PIAS1: variants seen among roughly 807,000 people sequenced by gnomAD.
PIAS1 encodes the protein protein inhibitor of activated STAT 1.
Under a neutral mutation model 71.3 loss-of-function variants are expected in PIAS1, and 6 were observed. The ratio of observed to expected loss-of-function variants is 0.08; its 90% CI spans 0.05 to 0.17. The LOEUF is 0.17. PIAS1 is among the 10% of genes least tolerant of loss of function. The probability of loss-of-function intolerance (pLI) is 1.00; values close to 1 mark genes in which losing one functional copy is unlikely to be tolerated. For synonymous variants in PIAS1, 303 were observed against 292.9 expected, an observed-to-expected ratio of 1.03 and a Z score of -0.35; for missense variants, 555 against 793.6, an observed-to-expected ratio of 0.70 and a Z score of 3.61.
intron 2 of PIAS1, among the ~76,000 whole-genome samples, chr15:68,119,896 TC>T (rs2092599193): frequency 6.6e-6 from 1 of 152,262 alleles, no homozygotes; most frequent in Non-Finnish European, 1.5e-5. Context: ...ATACAGTGAC[TC>T]TCTCTATCCC....
chr15:68,074,797 G>T, intron 1 of PIAS1, among the ~76,000 whole-genome samples: 4 of 148,440 alleles, frequency 2.7e-5, no homozygotes, highest in Middle Eastern at 3.6e-3. Context: ...TTCTCTTTTT[G>T]TGCTTTTAAA....
At chr15:68,129,076 T>A (rs570686363) in intron 2 of PIAS1, among the ~76,000 whole-genome samples, 55 of 152,244 alleles carry the variant, frequency 3.6e-4, no homozygotes, top group Non-Finnish European at 7.1e-4. Flanking sequence ...GTATTACTAT[T>A]TTTTAGAGAC....
intron 2 of PIAS1, among the ~76,000 whole-genome samples, chr15:68,093,297 C>G (rs1169949968): frequency 6.6e-6 from 1 of 152,206 alleles, no homozygotes; most frequent in Non-Finnish European, 1.5e-5. Context: ...TTTGTAATTA[C>G]AATTACAAGT....
At chr15:68,184,809 A>G (rs963632612) in intron 13 of PIAS1, 1 of 153,404 alleles carries the variant, frequency 6.5e-6, no homozygotes, top group Admixed American at 6.5e-5. Context: ...TAAGGACAAG[A>G]TAACAGTCTT....
chr15:68,082,058 A>G (rs2092234422), intron 1 of PIAS1, among the ~76,000 whole-genome samples: 1 of 152,210 alleles, frequency 6.6e-6, no homozygotes. Flanking sequence ...GGAAGCCAGA[A>G]AACAATAAGG....
chr15:68,159,583 G>T (rs572467233), intron 7 of PIAS1, among the ~76,000 whole-genome samples: 3 of 152,048 alleles, frequency 2.0e-5, no homozygotes, highest in African/African-American at 7.2e-5. Flanking sequence ...AGCCTTTTGC[G>T]TCTGGCTTCT....
chr15:68,159,814 CAT>C (rs1470266271), intron 7 of PIAS1, among the ~76,000 whole-genome samples: 3 of 151,998 alleles, frequency 2.0e-5, no homozygotes, highest in Admixed American at 6.6e-5. Context: ...GTTTTGTAGA[CAT>C]ATGTTTTCAT....
intron 6 of PIAS1, among the ~76,000 whole-genome samples, chr15:68,150,322 G>A (rs1043396466): frequency 3.9e-5 from 6 of 151,916 alleles, no homozygotes; most frequent in Non-Finnish European, 5.9e-5. Context: ...ACTAGAGGAG[G>A]GGGGAAATAC....
intron 1 of PIAS1, among the ~76,000 whole-genome samples, chr15:68,066,450 A>G (rs993229421): frequency 3.9e-5 from 6 of 152,226 alleles, no homozygotes; most frequent in African/African-American, 1.4e-4. Context: ...TCATATGAAT[A>G]AATGAAAAAT....
chr15:68,126,198 T>A (rs1302885294), intron 2 of PIAS1, among the ~76,000 whole-genome samples: 1 of 152,186 alleles, frequency 6.6e-6, no homozygotes, highest in African/African-American at 2.4e-5. Flanking sequence ...AATTATTTCT[T>A]ATTTCCTTCC....
intron 1 of PIAS1, among the ~76,000 whole-genome samples, chr15:68,060,401 TCAGGAGTTCGAGAC>T (rs1013068915): frequency 6.6e-6 from 1 of 151,856 alleles, no homozygotes; most frequent in African/African-American, 2.4e-5. Context: ...GATCACGAGG[TCAGGAGTTCGAGAC>T]CAGCCTGACC....
chr15:68,114,213 A>T (rs1421530271), intron 2 of PIAS1, among the ~76,000 whole-genome samples: 3 of 152,106 alleles, frequency 2.0e-5, no homozygotes, highest in Non-Finnish European at 4.4e-5. Context: ...AACGCATAAT[A>T]TGTAAATTTG....
At chr15:68,143,658 G>A (rs1312469362) in intron 4 of PIAS1, among the ~76,000 whole-genome samples, 1 of 152,050 alleles carries the variant, frequency 6.6e-6, no homozygotes, top group Non-Finnish European at 1.5e-5. Flanking sequence ...ATTATGTATT[G>A]CTGTAGTCTT....
intron 2 of PIAS1, among the ~76,000 whole-genome samples, chr15:68,101,467 T>C (rs1347828576): frequency 6.6e-6 from 1 of 152,076 alleles, no homozygotes; most frequent in Admixed American, 6.6e-5. Context: ...TGTTTCCTTG[T>C]TTGTTTTTGA....
intron 1 of PIAS1, among the ~76,000 whole-genome samples, chr15:68,061,160 T>C (rs1412263240): frequency 6.6e-6 from 1 of 152,258 alleles, no homozygotes; most frequent in South Asian, 2.1e-4. Flanking sequence ...TAAATTTGAT[T>C]CGTTCGACTT....
At position 68,178,386 on chromosome 15, in the gene PIAS1, C is replaced by A. The variant is rs1433969002; in HGVS notation, c.1481+1732C>A. Among the ~76,000 whole-genome samples, 1 of 152,158 alleles carries A rather than the reference C, an allele frequency of 6.6e-6. No individual in the cohort carries two copies. The highest frequency in any genetic ancestry group is 6.5e-5 in the Admixed American group (1 of 15,280). The stretch of plus-strand genomic sequence containing the variant: ...TTAAAAACAGTATCATCATTCTAAA[C>A]AAAGTGAATAATTTAAGCACAAATC... On this transcript the variant is annotated intron_variant, in intron 11 of 13. Transcript: ENST00000249636. The surrounding 1 kb of genome is among the most constrained non-coding windows in gnomAD (Gnocchi z 4.2).
chr15:68,125,005 C>G (rs926078297), intron 2 of PIAS1, among the ~76,000 whole-genome samples: 2 of 152,014 alleles, frequency 1.3e-5, no homozygotes, highest in Non-Finnish European at 2.9e-5. Flanking sequence ...TGTTTGTCGC[C>G]CTGTCTTGAT....
At chr15:68,130,480 G>C (rs2092682226) in intron 2 of PIAS1, among the ~76,000 whole-genome samples, 1 of 151,700 alleles carries the variant, frequency 6.6e-6, no homozygotes, top group Admixed American at 6.6e-5. Context: ...GTGATATACT[G>C]ATAACTTGAC....
At chr15:68,153,270 TC>T (rs1296160572) in intron 6 of PIAS1, among the ~76,000 whole-genome samples, 1 of 152,196 alleles carries the variant, frequency 6.6e-6, no homozygotes, top group Non-Finnish European at 1.5e-5. Flanking sequence ...TTCATTAGCT[TC>T]AAGTATAGGT....
Sources: gnomAD v4.1 joint callset for allele counts (sites outside exome capture counted in the v4.1 genomes callset) on GRCh38, gnomAD v4.1.1 for gene constraint, Gnocchi (gnomAD v3.1) non-coding constraint, MANE v1.5 for transcripts, NCBI Gene and HGNC (gene_info 2026-07-23, HGNC 2026-07-21) for gene names.